Variants in EVA1A observed in about 807,000 individuals in gnomAD.
EVA1A encodes the protein eva-1 homolog A, regulator of programmed cell death.
Under a neutral mutation model 9.8 loss-of-function variants are expected in EVA1A, and 7 were observed. That is an observed-to-expected ratio of 0.71 (90% CI 0.41 to 1.34). The LOEUF (loss-of-function observed/expected upper bound fraction) is 1.34, where lower values mean the gene tolerates loss of function less well. EVA1A is among the 40% of genes most tolerant of loss of function. EVA1A has a pLI of 0.01. For synonymous variants in EVA1A, 90 were observed against 85.6 expected, an observed-to-expected ratio of 1.05 and a Z score of -0.28; for missense variants, 206 against 205.9, an observed-to-expected ratio of 1.00 and a Z score of 0.00.
chr2:75,535,827 C>A (rs1199830343), intron 1 of EVA1A, among the ~76,000 whole-genome samples: 1 of 152,128 alleles, frequency 6.6e-6, no homozygotes, highest in Non-Finnish European at 1.5e-5. Flanking sequence ...CCATTGGGTA[C>A]AACACACACT....
intron 1 of EVA1A, among the ~76,000 whole-genome samples, chr2:75,555,527 A>G (rs1676681203): frequency 6.6e-6 from 1 of 152,054 alleles, no homozygotes; most frequent in Admixed American, 6.6e-5. Flanking sequence ...ACAACCTCCC[A>G]GCTCAGCTTT....
intron 3 of EVA1A, among the ~76,000 whole-genome samples, chr2:75,499,977 T>A (rs1674352176): frequency 6.6e-6 from 1 of 152,352 alleles, no homozygotes; most frequent in South Asian, 2.1e-4. Context: ...TTTCCTATAT[T>A]GGATCCGCCT....
At chr2:75,505,797 G>A (rs1252166186) in intron 3 of EVA1A, among the ~76,000 whole-genome samples, 4 of 151,700 alleles carry the variant, frequency 2.6e-5, no homozygotes, top group South Asian at 2.1e-4. Context: ...CTGGAAGACA[G>A]AGACTCTGTC....
intron 3 of EVA1A, among the ~76,000 whole-genome samples, chr2:75,511,982 A>G (rs1364881871): frequency 6.6e-6 from 1 of 152,118 alleles, no homozygotes; most frequent in Non-Finnish European, 1.5e-5. Context: ...GGAGAAGTGG[A>G]GAGTGATGAG....
chr2:75,496,029 C>G (rs1319336515), intron 3 of EVA1A, among the ~76,000 whole-genome samples: 6 of 152,152 alleles, frequency 3.9e-5, no homozygotes, highest in African/African-American at 1.4e-4. Context: ...CCCTTCTCAT[C>G]ATTTCCTGGT....
chr2:75,555,338 C>CTCTCTCTCT (rs1553421964), intron 1 of EVA1A, among the ~76,000 whole-genome samples: 583 of 40,094 alleles, frequency 0.015, 9 homozygotes, highest in African/African-American at 0.041. Flanking sequence ...TCTCTCTCTC[C>CTCTCTCTCT]CCCATCTCCC....
intron 3 of EVA1A, among the ~76,000 whole-genome samples, chr2:75,515,310 T>C (rs2103835662): frequency 6.6e-6 from 1 of 152,342 alleles, no homozygotes; most frequent in South Asian, 2.1e-4. Context: ...TTGAAATGTT[T>C]GTTGTGAAGA....
upstream of EVA1A, among the ~76,000 whole-genome samples, chr2:75,563,212 G>C (rs1326838461): frequency 2.0e-5 from 3 of 152,232 alleles, no homozygotes; most frequent in Non-Finnish European, 2.9e-5. Context: ...GGTATGGAGA[G>C]ACTAGAGCTG....
chr2:75,567,586 ATT>A (rs1677050438), intron 1 of EVA1A, among the ~76,000 whole-genome samples: 1 of 152,232 alleles, frequency 6.6e-6, no homozygotes, highest in African/African-American at 2.4e-5. Flanking sequence ...ACCAGAACAG[ATT>A]ATTGAAGGGG....
chr2:75,555,011 T>C (rs1212065287), intron 1 of EVA1A, among the ~76,000 whole-genome samples: 3 of 152,200 alleles, frequency 2.0e-5, no homozygotes, highest in Non-Finnish European at 4.4e-5. Flanking sequence ...CACTCATCTA[T>C]CACTTACTAA....
At chr2:75,551,135 A>T (rs1572990628) in intron 1 of EVA1A, among the ~76,000 whole-genome samples, 1 of 151,766 alleles carries the variant, frequency 6.6e-6, no homozygotes, top group African/African-American at 2.4e-5. Flanking sequence ...ACAAAACAAA[A>T]CAAAACAAAA....
chr2:75,526,297 A>G (rs1416325128), intron 1 of EVA1A: 1 of 152,248 alleles, frequency 6.6e-6, no homozygotes, highest in African/African-American at 2.4e-5. Context: ...CAGAGGACCC[A>G]TAAAGACTTC....
intron 1 of EVA1A, among the ~76,000 whole-genome samples, chr2:75,566,101 TTACATTCATTCATTCCACGA>T (rs2104008334): frequency 6.6e-6 from 1 of 152,304 alleles, no homozygotes; most frequent in South Asian, 2.1e-4. Flanking sequence ...CAAGTGGCAT[TTACATTCATTCATTCCACGA>T]CAGCCTGCTG....
chr2:75,562,688 AG>A (rs2104002300), upstream of EVA1A, among the ~76,000 whole-genome samples: 1 of 152,336 alleles, frequency 6.6e-6, no homozygotes, highest in Admixed American at 6.5e-5. Context: ...CTGGCATGCA[AG>A]GGCCATCATC....
chr2:75,538,856 G>A (rs1320232444), intron 1 of EVA1A, among the ~76,000 whole-genome samples: 1 of 152,198 alleles, frequency 6.6e-6, no homozygotes, highest in East Asian at 1.9e-4. Context: ...GGGTGAGAAA[G>A]AAAGTTATTG....
At chr2:75,546,918 A>AC (rs557150856) in intron 1 of EVA1A, among the ~76,000 whole-genome samples, 164 of 151,598 alleles carry the variant, frequency 1.1e-3, no homozygotes, top group Non-Finnish European at 2.0e-3. Context: ...AAAAAAAAAA[A>AC]AAAAAAAAAC....
chr2:75,514,236 T>C (rs1466535912), intron 3 of EVA1A, among the ~76,000 whole-genome samples: 1 of 152,152 alleles, frequency 6.6e-6, no homozygotes, highest in Non-Finnish European at 1.5e-5. Flanking sequence ...CAGTTGGATA[T>C]GGGCAGTGAA....
intron 3 of EVA1A, among the ~76,000 whole-genome samples, chr2:75,505,566 A>G (rs559353553): frequency 2.8e-4 from 42 of 152,300 alleles, no homozygotes; most frequent in Non-Finnish European, 4.7e-4. Context: ...GAGTAGGGAA[A>G]TTTTGGGAGG....
chr2:75,537,217 G>C (rs970596955), intron 1 of EVA1A, among the ~76,000 whole-genome samples: 1 of 152,130 alleles, frequency 6.6e-6, no homozygotes, highest in African/African-American at 2.4e-5. Context: ...AAGAAAAAAA[G>C]TCATGTTAAT....
Sources: gnomAD v4.1 joint callset for allele counts (sites outside exome capture counted in the v4.1 genomes callset) on GRCh38, gnomAD v4.1.1 for gene constraint, MANE v1.5 for transcripts, NCBI Gene and HGNC (gene_info 2026-07-23, HGNC 2026-07-21) for gene names.